The following DCTN1 variants were observed in gnomAD, a reference collection of about 807,000 sequenced individuals.
DCTN1 encodes 150 kDa dynein-associated polypeptide.
A neutral mutation model predicts 161.2 loss-of-function variants in DCTN1; 61 were observed. The ratio of observed to expected loss-of-function variants is 0.38; its 90% CI spans 0.31 to 0.47. The LOEUF is 0.47. Ranked by LOEUF, DCTN1 falls within the 20% of genes least tolerant of loss-of-function variation. The probability of loss-of-function intolerance (pLI) is 0.99; values close to 1 mark genes in which losing one functional copy is unlikely to be tolerated. For missense variants in DCTN1, 1,404 were observed against 1,623.7 expected (o/e 0.86, Z 2.33); for synonymous variants, 653 against 632.4 (o/e 1.03, Z -0.49).
At position 74,377,692 on chromosome 2, in the gene DCTN1, G is replaced by C. The variant is rs1199845206; in HGVS notation, c.314C>G (p.Ser105Cys). 1 of 1,614,004 alleles carries C rather than the reference G, an allele frequency of 6.2e-7. No homozygotes were observed. Among genetic ancestry groups the C allele is most frequent in the Admixed American group, 1.7e-5 (1 of 60,000 alleles). The change falls in exon 3 of 32, where the codon TCC becomes TGC. Residue 105 changes from serine to cysteine, a missense_variant. By Grantham distance (112) the Ser-to-Cys change is moderately radical (BLOSUM62 -1). Coordinates refer to ENST00000628224, the MANE Select transcript of DCTN1 (RefSeq NM_004082.5). ...AGCAGAAGAATCAGGTGTCTCTGGG[G>C]AAGTAGTATCTGCTCCATCTTCAAA... ...QVFEDGADTT[S>C]PETPDSSASK... is the part of the protein sequence containing the mutation.
In DCTN1 at chr2:74,366,569, C is replaced by A. The variant is rs145293019; in HGVS notation, c.2518G>T (p.Val840Leu). 3 of 1,613,662 alleles carry A rather than the reference C, an allele frequency of 1.9e-6. No individual in the cohort carries two copies. The South Asian group carries it at 3.3e-5, about 18-fold the overall frequency. Residue 840 changes from valine to leucine, a missense_variant, in exon 22 of 32, where the codon GTG becomes TTG. Around this residue, in one of 9 missense-constraint regions of DCTN1, gnomAD observed 475 missense variants for 489.8 expected, o/e 0.97. Transcript: ENST00000628224. ...GCAGCAGCTGCCACCTCCTGCAGCACAGCCACGACCCACGTCAAGTGTTTC... is the reference window on the plus strand; with the variant it reads ...GCAGCAGCTGCCACCTCCTGCAGCAAAGCCACGACCCACGTCAAGTGTTTC... ...CRKHLTWVVA[V>L]LQEVAAAAAQ...
Position 74,361,269 on chromosome 2 carries a change from G to A in DCTN1, c.*230C>T, listed in dbSNP as rs1000218255. On this transcript the variant is annotated 3_prime_UTR_variant, in exon 32 of 32. Coordinates refer to ENST00000628224, the MANE Select transcript of DCTN1 (RefSeq NM_004082.5). The stretch of plus-strand genomic sequence containing the variant: ...CCCCACAAGCCCTGAGGCCCCTCAG[G>A]AAGGAGGGAGCAGTTGAACAACAAA... 4 of 690,386 alleles carry A rather than the reference G, an allele frequency of 5.8e-6. No individual in the cohort carries two copies. The highest frequency in any genetic ancestry group is 2.1e-5 in the Admixed American group (1 of 48,662). 42.8% of individuals were successfully genotyped at this position (690,386 alleles called of 1,614,324 possible). A position where few individuals can be genotyped will look rare whatever the true frequency, so the allele number is the denominator to read the frequency against.
chr2:74,387,593 C>T (rs1675791775), intron 1 of DCTN1, among the ~76,000 whole-genome samples: 1 of 152,234 alleles, frequency 6.6e-6, no homozygotes, highest in Admixed American at 6.5e-5. Context: ...TCCGCAACAA[C>T]TCCCTCTCTT....
At chr2:74,390,063 T>C (rs1471228610) in intron 1 of DCTN1, among the ~76,000 whole-genome samples, 2 of 152,216 alleles carry the variant, frequency 1.3e-5, no homozygotes, top group African/African-American at 4.8e-5. Context: ...GTCCCATCTC[T>C]GCACCAGTGT....
rs1674527329 is a variant in DCTN1, at chr2:74,367,719, T to C, written c.2161A>G (p.Thr721Ala). 6.2e-7 allele frequency: 1 copy of C among 1,614,174 alleles called. No individual in the cohort carries two copies. Among genetic ancestry groups the C allele is most frequent in the Non-Finnish European group, 8.5e-7 (1 of 1,180,036 alleles). The change falls in exon 18 of 32, where the codon ACC becomes GCC. Residue 721 changes from threonine to alanine, a missense_variant. This residue lies in a region of DCTN1 where 475 missense variants were observed against 489.8 expected (regional missense o/e 0.97). Transcript: ENST00000628224. Reference sequence around the variant, plus strand: ...ACCTGATAGTACTTGATGGCCTTGGTGAGAGGCTCCACATTGACAGTCTCA... The same window carrying C: ...ACCTGATAGTACTTGATGGCCTTGGCGAGAGGCTCCACATTGACAGTCTCA... ...LDETVNVEPL[T>A]KAIKYYQHLY...
At chr2:74,380,315 C>A (rs1045403667), upstream of DCTN1, 2 of 577,696 alleles carry the variant, frequency 3.5e-6, no homozygotes, top group African/African-American at 1.9e-5. Flanking sequence ...TCACTCTGCG[C>A]TAGTGCTGCT....
chr2:74,374,406 G>A, intron 5 of DCTN1, 66 bp from the exon 6 acceptor site: 1 of 1,609,672 alleles, frequency 6.2e-7, no homozygotes, highest in South Asian at 1.1e-5. Context: ...GAGGAGGATA[G>A]ACAAACACAC....
rs2103657565 is a variant in DCTN1 at position 74,370,458 on chromosome 2, G to C, written c.1127+8C>G. ...GTAAGCATCAGAGGCAAGCACTGAA[G>C]ACCCTACCTCACCAGGGCATCCTTC... On this transcript the variant is annotated splice_region_variant and intron_variant, in intron 11 of 31. Coordinates refer to ENST00000628224, the MANE Select transcript of DCTN1 (RefSeq NM_004082.5). The surrounding 1 kb of genome is among the most constrained non-coding windows in gnomAD (Gnocchi z 4.4). The C allele has an allele frequency of 6.2e-7, 1 of 1,614,170 alleles. No individual in the cohort carries two copies. Among genetic ancestry groups the C allele is most frequent in the Non-Finnish European group, 8.5e-7 (1 of 1,180,040 alleles).
intron 30 of DCTN1, 145 bp from the exon 31 acceptor site, chr2:74,362,286 C>T (rs1416806410): frequency 3.5e-5 from 25 of 713,416 alleles, no homozygotes; most frequent in Non-Finnish European, 2.0e-5. Context: ...TCATCTCCAA[C>T]CCCATCCCCA....
In DCTN1 at chr2:74,380,081, CAGAG is replaced by C; in HGVS notation, c.-48_-45del. 6.2e-7 allele frequency: 1 copy of C among 1,612,510 alleles called. No individual in the cohort carries two copies. The highest frequency in any genetic ancestry group is 1.3e-5 in the African/African-American group (1 of 74,984). On this transcript the variant is annotated 5_prime_UTR_variant, in exon 1 of 32. Transcript: ENST00000628224. ...ACCCCCTCCCCCAGCTGGCCAAAGA[CAGAG>C]AGAAAAGGTAGAAACCTAGGCAGGA...
Position 74,363,357 on chromosome 2 carries a change from A to C in DCTN1, c.3282T>G (p.Leu1094=). 1 of 1,612,836 alleles carries C rather than the reference A, an allele frequency of 6.2e-7. No homozygotes were observed. ...PGLVKDSPLL[L]QQISAMRLHI... Reference sequence around the variant, plus strand: ...GCAGCCTCATGGCAGAGATCTGCTGAAGCAGCAGTGGTGAGTCCTTCACCA... The same window carrying C: ...GCAGCCTCATGGCAGAGATCTGCTGCAGCAGCAGTGGTGAGTCCTTCACCA... The change falls in exon 28 of 32, where the codon CTT becomes CTG. Residue 1094 remains leucine, a synonymous_variant. Transcript: ENST00000628224.
intron 1 of DCTN1, among the ~76,000 whole-genome samples, chr2:74,388,312 G>T (rs1419093851): frequency 6.6e-6 from 1 of 152,230 alleles, no homozygotes; most frequent in Non-Finnish European, 1.5e-5. Context: ...GCTGTAGTGC[G>T]TGATGATCTT....
At chr2:74,381,258 C>T (rs1277020254), upstream of DCTN1, among the ~76,000 whole-genome samples, 2 of 152,170 alleles carry the variant, frequency 1.3e-5, no homozygotes, top group African/African-American at 4.8e-5. Context: ...ACAAGGTTGG[C>T]CTGGGGTCTG....
rs1017280550 is a variant in DCTN1, at chr2:74,361,372, G to A, written c.*127C>T. Reference sequence around the variant, plus strand: ...GGCAGGACGCTGAAAGGGTGGGAGTGAAGCTGAACGGGGCAGGAAGAGCTT... The same window carrying A: ...GGCAGGACGCTGAAAGGGTGGGAGTAAAGCTGAACGGGGCAGGAAGAGCTT... On this transcript the variant is annotated 3_prime_UTR_variant, in exon 32 of 32. Transcript: ENST00000628224. The A allele has an allele frequency of 4.4e-6, 6 of 1,356,460 alleles. No individual in the cohort carries two copies. In the Admixed American group the frequency reaches 1.1e-4, roughly 26 times the overall value. The allele number at this position is 1,356,460 out of a possible 1,614,324, so 84.0% of individuals were successfully genotyped here.
Position 74,370,237 on chromosome 2 carries a change from C to A in DCTN1, c.1236G>T (p.Leu412=). The part of the protein sequence containing the change: ...LEVVRQQRER[L]QEELSQAEST... ...TCTCTGCCTGGCTTAGCTCCTCCTG[C>A]AGACGCTCCCGCTGTTGCCTCACAA... is the stretch of plus-strand genomic sequence containing the variant. Residue 412 remains leucine, a synonymous_variant, in exon 12 of 32, where the codon CTG becomes CTT. Coordinates refer to ENST00000628224, the MANE Select transcript of DCTN1 (RefSeq NM_004082.5). The surrounding 1 kb of genome is among the most constrained non-coding windows in gnomAD (Gnocchi z 4.4). 6.2e-7 allele frequency: 1 copy of A among 1,614,026 alleles called. No individual in the cohort carries two copies. Among genetic ancestry groups the A allele is most frequent in the Non-Finnish European group, 8.5e-7 (1 of 1,180,032 alleles).
At position 74,368,826 on chromosome 2, in the gene DCTN1, A is replaced by C; in HGVS notation, c.1756T>G (p.Ser586Ala). Residue 586 changes from serine (S) to alanine (A), a missense_variant, in exon 16 of 32, where the codon TCC becomes GCC. Around this residue, in one of 9 missense-constraint regions of DCTN1, gnomAD observed 278 missense variants for 363.8 expected, o/e 0.76. Transcript: ENST00000628224. ...TCAGGCATGAAGGCTGTCAGCAGGG[A>C]CATGTGTCGATTGGCCTGGGCCACC... Reference protein sequence around the residue: ...MEVAQANRHMSLLTAFMPDSF... With the variant: ...MEVAQANRHMALLTAFMPDSF... 1 of 1,614,276 alleles carries C rather than the reference A, an allele frequency of 6.2e-7. No individual in the cohort carries two copies. The highest frequency in any genetic ancestry group is 8.5e-7 in the Non-Finnish European group (1 of 1,180,050).
intron 4 of DCTN1, among the ~76,000 whole-genome samples, chr2:74,377,035 C>T (rs111916325): frequency 9.8e-5 from 15 of 152,296 alleles, no homozygotes; most frequent in African/African-American, 3.6e-4. Context: ...GCAGAGGGCC[C>T]GGCTCCTTGC....
At position 74,361,378 on chromosome 2, in the gene DCTN1, G is replaced by T; in HGVS notation, c.*121C>A. On this transcript the variant is annotated 3_prime_UTR_variant, in exon 32 of 32. Transcript: ENST00000628224. ...ACGCTGAAAGGGTGGGAGTGAAGCT[G>T]AACGGGGCAGGAAGAGCTTAACCCA... 1 of 1,420,850 alleles carries T rather than the reference G, an allele frequency of 7.0e-7. No individual in the cohort carries two copies. The allele number at this position is 1,420,850 out of a possible 1,614,324, so 88.0% of individuals were successfully genotyped here. A position where few individuals can be genotyped will look rare whatever the true frequency, so the allele number is the denominator to read the frequency against.
intron 29 of DCTN1, 42 bp downstream of exon 29, chr2:74,362,952 A>AG: frequency 6.3e-7 from 1 of 1,599,486 alleles, no homozygotes; most frequent in Non-Finnish European, 8.5e-7. Context: ...GGCCAAGTGG[A>AG]GGGGGCAGTT....
Sources: gnomAD v4.1 joint callset for allele counts (sites outside exome capture counted in the v4.1 genomes callset) on GRCh38, gnomAD v4.1.1 for gene constraint, gnomAD v4.1.1 regional missense constraint, Gnocchi (gnomAD v3.1) non-coding constraint, MANE v1.5 for transcripts, NCBI Gene and HGNC (gene_info 2026-07-23, HGNC 2026-07-21) for gene names.